FAR2: variants seen among roughly 807,000 people sequenced by gnomAD.
FAR2 encodes the protein fatty acyl-CoA reductase 2, also known as epididymis secretory protein Li 81.
In FAR2, 19 loss-of-function variants were observed where a neutral mutation model predicts 56.0. The observed-to-expected ratio is 0.34, with a 90% CI of 0.24 to 0.50. The LOEUF (loss-of-function observed/expected upper bound fraction) is 0.50. Ranked by LOEUF, FAR2 falls within the 20% of genes least tolerant of loss-of-function variation. FAR2 has a pLI of 0.98. For synonymous variants in FAR2, 219 were observed against 218.8 expected (o/e 1.00, Z -0.01); for missense variants, 508 against 642.2 (o/e 0.79, Z 2.26).
intron 1 of FAR2, among the ~76,000 whole-genome samples, chr12:29,178,699 T>C (rs568990512): frequency 6.6e-6 from 1 of 152,366 alleles, no homozygotes; most frequent in African/African-American, 2.4e-5. Context: ...ATATTGCTTC[T>C]TGTAGTATAG....
At chr12:29,167,943 T>A (rs1949845711) in intron 1 of FAR2, among the ~76,000 whole-genome samples, 6 of 152,126 alleles carry the variant, frequency 3.9e-5, no homozygotes, top group Admixed American at 1.3e-4. Flanking sequence ...GGGAAAAAAA[T>A]TCCTCATTAC....
chr12:29,221,623 CTT>C (rs148611411), intron 1 of FAR2, among the ~76,000 whole-genome samples: 6,514 of 152,214 alleles, frequency 0.043, 352 homozygotes, highest in African/African-American at 0.12. Context: ...ATTTTAGACA[CTT>C]TATTTCCTGC....
At chr12:29,325,025 C>T (rs1340922583) in intron 10 of FAR2, among the ~76,000 whole-genome samples, 1 of 152,020 alleles carries the variant, frequency 6.6e-6, no homozygotes, top group Non-Finnish European at 1.5e-5. Context: ...CAGAGACACA[C>T]ATAGGCTCAA....
chr12:29,219,841 TAAAG>T (rs1470356909), intron 1 of FAR2, among the ~76,000 whole-genome samples: 1 of 152,102 alleles, frequency 6.6e-6, no homozygotes, highest in African/African-American at 2.4e-5. Context: ...AGAACTCAAA[TAAAG>T]AAAACTTTTC....
At chr12:29,150,267 G>C (rs1053101950) in intron 1 of FAR2, among the ~76,000 whole-genome samples, 7 of 152,180 alleles carry the variant, frequency 4.6e-5, no homozygotes, top group Non-Finnish European at 8.8e-5. Flanking sequence ...ACCTGCCAGC[G>C]GTGGCACCAT....
At chr12:29,168,932 T>C (rs969798022) in intron 1 of FAR2, among the ~76,000 whole-genome samples, 2 of 152,182 alleles carry the variant, frequency 1.3e-5, no homozygotes, top group African/African-American at 4.8e-5. Context: ...GATTGGTCCA[T>C]TTTACAGAGT....
At chr12:29,258,604 A>G (rs938800315) in intron 1 of FAR2, among the ~76,000 whole-genome samples, 1 of 152,120 alleles carries the variant, frequency 6.6e-6, no homozygotes, top group Non-Finnish European at 1.5e-5. Context: ...CCAAAACTCC[A>G]TTTTTCTGTA....
chr12:29,188,367 G>C (rs571137257), intron 1 of FAR2, among the ~76,000 whole-genome samples: 28 of 152,152 alleles, frequency 1.8e-4, no homozygotes, highest in African/African-American at 6.5e-4. Flanking sequence ...GCTGTAGAGT[G>C]AACACTCTGC....
chr12:29,179,243 CT>C lies in FAR2; in HGVS notation c.-39+29837del, dbSNP rs375609472. On this transcript the variant is annotated intron_variant, in intron 1 of 11. Transcript: ENST00000536681. Reference sequence around the variant, plus strand: ...GGGACAAAATTCAGCCCATAACAATCTCTTAATTGCATTGTGTGTGACTCCT... The same window carrying C: ...GGGACAAAATTCAGCCCATAACAATCCTTAATTGCATTGTGTGTGACTCCT... Among the ~76,000 whole-genome samples, 115 of 152,278 alleles carry C rather than the reference CT, an allele frequency of 7.6e-4. 1 individual carries two copies. Among genetic ancestry groups the C allele is most frequent in the African/African-American group, 2.7e-3 (113 of 41,548 alleles).
At chr12:29,149,994 G>A (rs907291316) in intron 1 of FAR2, among the ~76,000 whole-genome samples, 1 of 152,182 alleles carries the variant, frequency 6.6e-6, no homozygotes, top group African/African-American at 2.4e-5. Flanking sequence ...GGGCCTCGCC[G>A]GGGTCGTGGC....
At chr12:29,188,060 A>T (rs1950061096) in intron 1 of FAR2, among the ~76,000 whole-genome samples, 2 of 152,146 alleles carry the variant, frequency 1.3e-5, no homozygotes, top group Admixed American at 6.5e-5. Flanking sequence ...TCCCATCCTC[A>T]TGCTGGCCTC....
intron 10 of FAR2, chr12:29,331,457 A>G (rs1331869207): frequency 6.6e-6 from 1 of 152,202 alleles, no homozygotes; most frequent in African/African-American, 2.4e-5. Context: ...GCAATCTTTT[A>G]TTTGATAACA....
intron 1 of FAR2, among the ~76,000 whole-genome samples, chr12:29,266,351 T>G (rs998902423): frequency 2.6e-5 from 4 of 152,136 alleles, no homozygotes; most frequent in African/African-American, 7.2e-5. Context: ...ATCCTGTTAT[T>G]TGCAACAATA....
chr12:29,310,960 A>G, intron 6 of FAR2, 68 bp from the exon 7 acceptor site: 1 of 1,152,170 alleles, frequency 8.7e-7, no homozygotes, highest in Non-Finnish European at 1.3e-6. Flanking sequence ...CAGTTTGATG[A>G]TACATACTTT....
chr12:29,309,861 G>A (rs916566080), intron 6 of FAR2: 3 of 152,314 alleles, frequency 2.0e-5, no homozygotes, highest in Non-Finnish European at 4.4e-5. Flanking sequence ...GGGCTTCACA[G>A]CTCACACTGA....
At chr12:29,232,837 A>C in intron 1 of FAR2, among the ~76,000 whole-genome samples, 1 of 151,772 alleles carries the variant, frequency 6.6e-6, no homozygotes, top group East Asian at 1.9e-4. Flanking sequence ...ACACACACAC[A>C]CACACACACA....
rs143213579 is a variant in FAR2 at position 29,189,440 on chromosome 12, G to A, written c.-39+40033G>A. Among the ~76,000 whole-genome samples, 214 of 152,012 alleles carry A rather than the reference G, an allele frequency of 1.4e-3. 1 individual carries two copies. In the South Asian group the frequency reaches 0.019, roughly 14 times the overall value. On this transcript the variant is annotated intron_variant, in intron 1 of 11. Transcript: ENST00000536681. ...TCTCTGCCACTACAAGATGCTGTAC[G>A]CTCACCTTGTATTTTTCCTTCCCCA...
At position 29,335,277 on chromosome 12, in the gene FAR2, A is replaced by C. The variant is rs1949779838; in HGVS notation, c.*1483A>C. On this transcript the variant is annotated 3_prime_UTR_variant, in exon 12 of 12. Transcript: ENST00000536681. ...TCCAGATTCTCCTGAGCTCTATATA[A>C]AGGGCATTTTGGAGGAACTCTTCTG... is the stretch of plus-strand genomic sequence containing the variant. 2 of 152,196 alleles carry C rather than the reference A, an allele frequency of 1.3e-5. No homozygotes were observed. The highest frequency in any genetic ancestry group is 6.5e-5 in the Admixed American group (1 of 15,274). The allele number at this position is 152,196 out of a possible 1,614,324, so 9.4% of individuals were successfully genotyped here.
chr12:29,276,720 T>G (rs1591920082), intron 2 of FAR2, among the ~76,000 whole-genome samples: 3 of 152,182 alleles, frequency 2.0e-5, no homozygotes, highest in African/African-American at 7.2e-5. Flanking sequence ...CAAGATATTA[T>G]TGCTTGTATT....
Sources: gnomAD v4.1 joint callset for allele counts (sites outside exome capture counted in the v4.1 genomes callset) on GRCh38, gnomAD v4.1.1 for gene constraint, MANE v1.5 for transcripts, NCBI Gene and HGNC (gene_info 2026-07-23, HGNC 2026-07-21) for gene names.